The following PIAS1 variants were observed in gnomAD, a reference collection of about 807,000 sequenced individuals.
PIAS1 encodes protein inhibitor of activated STAT 1.
A neutral mutation model predicts 71.3 loss-of-function variants in PIAS1; 6 were observed. The ratio of observed to expected loss-of-function variants is 0.08; its 90% CI spans 0.05 to 0.17. The LOEUF is 0.17. PIAS1 is among the 10% of genes least tolerant of loss of function. PIAS1 has a pLI of 1.00. For missense variants in PIAS1, 555 were observed against 793.6 expected (o/e 0.70, Z 3.61); for synonymous variants, 303 against 292.9 (o/e 1.03, Z -0.35).
chr15:68,113,744 A>T (rs1326996097), intron 2 of PIAS1, among the ~76,000 whole-genome samples: 1 of 152,152 alleles, frequency 6.6e-6, no homozygotes, highest in Non-Finnish European at 1.5e-5. Flanking sequence ...CAAGCTTATT[A>T]AGGATGGGCT....
intron 2 of PIAS1, among the ~76,000 whole-genome samples, chr15:68,139,223 C>T (rs990557773): frequency 2.0e-5 from 3 of 152,062 alleles, no homozygotes; most frequent in Non-Finnish European, 4.4e-5. Flanking sequence ...TAATCTTGTC[C>T]CTTTCTACAA....
intron 1 of PIAS1, among the ~76,000 whole-genome samples, chr15:68,063,671 A>G (rs1479427181): frequency 1.3e-5 from 2 of 152,220 alleles, no homozygotes; most frequent in Non-Finnish European, 2.9e-5. Context: ...AAATTATACA[A>G]GTAATGCATC....
chr15:68,152,343 A>T (rs989141293), intron 6 of PIAS1, among the ~76,000 whole-genome samples: 17 of 152,286 alleles, frequency 1.1e-4, no homozygotes, highest in African/African-American at 4.1e-4. Context: ...TCCCTCTCAG[A>T]AAATGTGTAG....
chr15:68,054,508 GCCCGCCTGCGGCGGGCCGCGGGC>G lies in PIAS1; in HGVS notation c.24+163_24+185del. ...GGCGCGCCCGGTCTCAGCAGAGGGG[GCCCGCCTGCGGCGGGCCGCGGGC>G]CCCGGGTGCCTCGGGGGCGCTGACG... On this transcript the variant is annotated intron_variant, in intron 1 of 13. Coordinates refer to ENST00000249636, the MANE Select transcript of PIAS1 (RefSeq NM_016166.3). This position sits in a 1 kb window ranked among gnomAD's most constrained non-coding sequence, Gnocchi z 4.6. The G allele has an allele frequency of 4.5e-6, 3 of 660,630 alleles. No individual in the cohort carries two copies. The highest frequency in any genetic ancestry group is 5.0e-5 in the South Asian group (2 of 39,898). 40.9% of individuals were successfully genotyped at this position (660,630 alleles called of 1,614,324 possible). A position where few individuals can be genotyped will look rare whatever the true frequency, so the allele number is the denominator to read the frequency against.
At chr15:68,143,098 A>G (rs2092783488) in intron 4 of PIAS1, among the ~76,000 whole-genome samples, 2 of 151,972 alleles carry the variant, frequency 1.3e-5, no homozygotes, top group African/African-American at 4.8e-5. Context: ...TCTCCCTTAT[A>G]TAAACCATCA....
chr15:68,128,398 T>G (rs570394513), intron 2 of PIAS1, among the ~76,000 whole-genome samples: 5 of 152,270 alleles, frequency 3.3e-5, no homozygotes, highest in African/African-American at 1.2e-4. Flanking sequence ...TCCACCTGCC[T>G]CGGCCTCCCA....
chr15:68,157,817 T>G (rs774504494), intron 7 of PIAS1, among the ~76,000 whole-genome samples: 2 of 152,164 alleles, frequency 1.3e-5, no homozygotes, highest in Non-Finnish European at 2.9e-5. Flanking sequence ...CAGACTTATA[T>G]AGCTAACTAC....
At chr15:68,097,254 AT>A (rs1401792175) in intron 2 of PIAS1, among the ~76,000 whole-genome samples, 2 of 152,158 alleles carry the variant, frequency 1.3e-5, no homozygotes, top group Non-Finnish European at 2.9e-5. Flanking sequence ...CCACTTGATC[AT>A]TATGTAAAAC....
At chr15:68,059,216 T>G (rs2091931158) in intron 1 of PIAS1, among the ~76,000 whole-genome samples, 1 of 151,642 alleles carries the variant, frequency 6.6e-6, no homozygotes. Flanking sequence ...ACCGTGTTGG[T>G]CAGGATGGTC....
At chr15:68,165,671 A>G (rs1294576294) in intron 8 of PIAS1, among the ~76,000 whole-genome samples, 1 of 152,226 alleles carries the variant, frequency 6.6e-6, no homozygotes, top group African/African-American at 2.4e-5. Context: ...CCAAATTATT[A>G]AACCTGTAAG....
rs1168819054 is a variant in PIAS1 at position 68,092,038 on chromosome 15, CAG to C, written c.469+5289_469+5290del. Among the ~76,000 whole-genome samples the C allele has an allele frequency of 5.3e-5, 8 of 152,248 alleles. No individual in the cohort carries two copies. In the South Asian group the frequency reaches 1.0e-3, roughly 20 times the overall value. ...AGATTGAAGTCAAATTTTACCTTCT[CAG>C]GGGATGTCTTTTCAAGTTTTTAAAT... On this transcript the variant is annotated intron_variant, in intron 2 of 13. Transcript: ENST00000249636.
intron 11 of PIAS1, among the ~76,000 whole-genome samples, chr15:68,177,533 C>T (rs2093028071): frequency 6.6e-6 from 1 of 152,132 alleles, no homozygotes; most frequent in African/African-American, 2.4e-5. Flanking sequence ...AGAGTTTTCT[C>T]CCATATTTTC....
At chr15:68,068,125 C>T (rs897630324) in intron 1 of PIAS1, among the ~76,000 whole-genome samples, 7 of 152,190 alleles carry the variant, frequency 4.6e-5, no homozygotes, top group Admixed American at 4.6e-4. Context: ...GTAGTCCCAG[C>T]ACTTTGGGAG....
At chr15:68,097,185 T>A (rs1333412022) in intron 2 of PIAS1, among the ~76,000 whole-genome samples, 1 of 152,236 alleles carries the variant, frequency 6.6e-6, no homozygotes, top group Admixed American at 6.5e-5. Flanking sequence ...ATTCTGTTAA[T>A]GTGGTGTATT....
intron 11 of PIAS1, 51 bp downstream of exon 11, chr15:68,176,705 C>A: frequency 8.0e-7 from 1 of 1,243,506 alleles, no homozygotes; most frequent in Non-Finnish European, 1.1e-6. Flanking sequence ...ATTAACTTGG[C>A]AAATAGGGAT....
chr15:68,124,020 GTGTGTACATATGTATACACATGCA>G (rs1437688953), intron 2 of PIAS1, among the ~76,000 whole-genome samples: 3 of 152,026 alleles, frequency 2.0e-5, no homozygotes, highest in Admixed American at 2.0e-4. Context: ...GTACACATAC[GTGTGTACATATGTATACACATGCA>G]CAAAAAGATC....
Position 68,164,708 on chromosome 15 carries a change from TC to T in PIAS1, c.935-22del, listed in dbSNP as rs1316260148. 4 of 1,441,018 alleles carry T rather than the reference TC, an allele frequency of 2.8e-6. No individual in the cohort carries two copies. The East Asian group carries it at 9.4e-5, about 34-fold the overall frequency. The allele number at this position is 1,441,018 out of a possible 1,614,324, so 89.3% of individuals were successfully genotyped here. ...TTAATAAAACTCTGTTTGCTTTTTTTCTTCTTCTTCAATGAATATCAGTTAA... is the reference window on the plus strand; with the variant it reads ...TTAATAAAACTCTGTTTGCTTTTTTTTTCTTCTTCAATGAATATCAGTTAA... On this transcript the variant is annotated intron_variant, in intron 7 of 13. Coordinates refer to ENST00000249636, the MANE Select transcript of PIAS1 (RefSeq NM_016166.3).
At chr15:68,113,002 A>G (rs1039138817) in intron 2 of PIAS1, among the ~76,000 whole-genome samples, 2 of 152,224 alleles carry the variant, frequency 1.3e-5, no homozygotes, top group Non-Finnish European at 2.9e-5. Flanking sequence ...CTACATCTAT[A>G]TGGTAGAATA....
chr15:68,072,881 T>C (rs1049152327), intron 1 of PIAS1, among the ~76,000 whole-genome samples: 31 of 152,252 alleles, frequency 2.0e-4, no homozygotes, highest in Non-Finnish European at 3.8e-4. Context: ...GGATTAAGTA[T>C]AAACTTCAGT....
Sources: allele counts gnomAD v4.1 joint callset (sites outside exome capture counted in the v4.1 genomes callset), GRCh38; gene constraint gnomAD v4.1.1; non-coding constraint Gnocchi (gnomAD v3.1); transcripts MANE v1.5; gene names NCBI Gene and HGNC (gene_info 2026-07-23, HGNC 2026-07-21).